The following FAM3B variants were observed in gnomAD, a reference collection of about 807,000 sequenced individuals.
The protein encoded by FAM3B is protein FAM3B.
Under a neutral mutation model 28.4 loss-of-function variants are expected in FAM3B, and 29 were observed. That is an observed-to-expected ratio of 1.02 (90% CI 0.76 to 1.39). The LOEUF (loss-of-function observed/expected upper bound fraction) is 1.39. Among genes scored for constraint, FAM3B ranks in the 40% most tolerant of loss-of-function variants. The pLI, the probability that FAM3B is intolerant of heterozygous loss-of-function variation, is 0.00. For missense variants in FAM3B, 266 were observed against 293.9 expected (o/e 0.91, Z 0.69); for synonymous variants, 91 against 103.0 (o/e 0.88, Z 0.71).
At chr21:41,315,279 G>A (rs2088740020), upstream of FAM3B, among the ~76,000 whole-genome samples, 1 of 152,084 alleles carries the variant, frequency 6.6e-6, no homozygotes, top group Admixed American at 6.6e-5. Flanking sequence ...AGGGGCTGGG[G>A]GCAAGGGTAA....
chr21:41,357,369 C>A lies in FAM3B; in HGVS notation c.*172C>A. 1 of 437,638 alleles carries A rather than the reference C, an allele frequency of 2.3e-6. No homozygotes were observed. The highest frequency in any genetic ancestry group is 4.2e-6 in the Non-Finnish European group (1 of 236,548). 27.1% of individuals were successfully genotyped at this position (437,638 alleles called of 1,614,324 possible). On this transcript the variant is annotated 3_prime_UTR_variant, in exon 8 of 8. Transcript: ENST00000357985. ...AATCTTGGTACGCAGTATTTTTATACCAGTATTTTATGTAGTGAAGATGTC... is the reference window on the plus strand; with the variant it reads ...AATCTTGGTACGCAGTATTTTTATAACAGTATTTTATGTAGTGAAGATGTC...
chr21:41,346,022 T>TTA lies in FAM3B; in HGVS notation c.397+286_397+287insTA, dbSNP rs577363844. 8.2e-3 allele frequency: 1,658 copies of TTA among 201,928 alleles called. 9 individuals carry two copies. The highest frequency in any genetic ancestry group is 0.024 in the Middle Eastern group (12 of 492). 12.5% of individuals were successfully genotyped at this position (201,928 alleles called of 1,614,324 possible). Reference sequence around the variant, plus strand: ...TAAGAAAGAGAAAAAGCCTTTTTTTTAAAAAAAAAAAAAAGCCAAATACAT... The same window carrying TTA: ...TAAGAAAGAGAAAAAGCCTTTTTTTTTAAAAAAAAAAAAAAAGCCAAATACAT... On this transcript the variant is annotated intron_variant, in intron 5 of 7. Transcript: ENST00000357985.
chr21:41,322,954 C>T lies in FAM3B; in HGVS notation c.51C>T (p.Ala17=), dbSNP rs765446885. Residue 17 remains alanine, a synonymous_variant, in exon 2 of 8, where the codon GCC becomes GCT. Transcript: ENST00000357985. ...TCAAGGTGGTGTTCGTGGTCTTCGC[C>T]TCCTTGTGTGCCTGGTATTCGGGGT... ...GLLKVVFVVF[A]SLCAWYSGYL... is the part of the protein sequence containing the mutation. 4 of 1,613,666 alleles carry T rather than the reference C, an allele frequency of 2.5e-6. No homozygotes were observed. Among genetic ancestry groups the T allele is most frequent in the Non-Finnish European group, 3.4e-6 (4 of 1,180,032 alleles).
At chr21:41,351,846 G>T (rs1013937897) in intron 7 of FAM3B, among the ~76,000 whole-genome samples, 1 of 152,224 alleles carries the variant, frequency 6.6e-6, no homozygotes, top group Non-Finnish European at 1.5e-5. Context: ...TTTATAGGAG[G>T]AAGGAAACTG....
At chr21:41,346,358 T>C (rs2089059925) in intron 5 of FAM3B, 1 of 153,284 alleles carries the variant, frequency 6.5e-6, no homozygotes, top group African/African-American at 2.4e-5. Context: ...AAGGACACAG[T>C]TGTACTCTGC....
chr21:41,322,846 CAG>C (rs780154792), intron 1 of FAM3B, 75 bp from the exon 2 acceptor site: 8 of 1,611,466 alleles, frequency 5.0e-6, no homozygotes, highest in Admixed American at 1.7e-5. Flanking sequence ...TGAAAAGCCA[CAG>C]GGGGGATGGG....
chr21:41,314,967 G>A (rs556514981), upstream of FAM3B, among the ~76,000 whole-genome samples: 1 of 152,180 alleles, frequency 6.6e-6, no homozygotes, highest in Non-Finnish European at 1.5e-5. Flanking sequence ...GCAGGATCCA[G>A]AAGAGATATT....
chr21:41,348,443 C>A, intron 6 of FAM3B, 149 bp from the exon 7 acceptor site: 1 of 788,834 alleles, frequency 1.3e-6, no homozygotes, highest in Non-Finnish European at 2.0e-6. Context: ...TGCCTCTTAG[C>A]TGCCACTGTG....
chr21:41,335,410 G>A (rs1024646326), intron 2 of FAM3B, among the ~76,000 whole-genome samples: 12 of 152,180 alleles, frequency 7.9e-5, no homozygotes, highest in African/African-American at 2.7e-4. Flanking sequence ...GATTCCTCAC[G>A]AGTGGTTTAG....
At chr21:41,356,042 C>CATACAT (rs36028769) in intron 7 of FAM3B, among the ~76,000 whole-genome samples, 1 of 76,472 alleles carries the variant, frequency 1.3e-5, no homozygotes, top group African/African-American at 6.1e-5. Context: ...AAAATACATA[C>CATACAT]ACACACACAC....
chr21:41,346,969 A>G (rs1403138207), intron 5 of FAM3B, 44 bp from the exon 6 acceptor site: 1 of 1,561,562 alleles, frequency 6.4e-7, no homozygotes, highest in Non-Finnish European at 8.8e-7. Flanking sequence ...GCAGAGCCTC[A>G]GTGAACAGCA....
chr21:41,341,094 G>A (rs1382831867), intron 3 of FAM3B, among the ~76,000 whole-genome samples: 1 of 151,980 alleles, frequency 6.6e-6, no homozygotes, highest in Admixed American at 6.6e-5. Flanking sequence ...TACATAAAAG[G>A]TGGTAAACTC....
chr21:41,317,296 G>A (rs2088758777), intron 1 of FAM3B, among the ~76,000 whole-genome samples: 1 of 149,044 alleles, frequency 6.7e-6, no homozygotes, highest in South Asian at 2.1e-4. Flanking sequence ...TTCCGGGGAA[G>A]GGTACGCGCC....
At chr21:41,340,506 A>G (rs193195637) in intron 3 of FAM3B, among the ~76,000 whole-genome samples, 6 of 152,264 alleles carry the variant, frequency 3.9e-5, no homozygotes, top group South Asian at 2.1e-4. Flanking sequence ...GCATTAATCC[A>G]TTCAGGAGGG....
At chr21:41,309,224 T>C (rs1360762225) in intron 1 of FAM3B, among the ~76,000 whole-genome samples, 1 of 152,228 alleles carries the variant, frequency 6.6e-6, no homozygotes, top group Non-Finnish European at 1.5e-5. Context: ...AGTACTGATT[T>C]ATATTCTACT....
Position 41,357,368 on chromosome 21 carries a change from A to G in FAM3B, c.*171A>G. 2 of 445,710 alleles carry G rather than the reference A, an allele frequency of 4.5e-6. No homozygotes were observed. The highest frequency in any genetic ancestry group is 8.3e-6 in the Non-Finnish European group (2 of 241,210). 27.6% of individuals were successfully genotyped at this position (445,710 alleles called of 1,614,324 possible). A position where few individuals can be genotyped will look rare whatever the true frequency, so the allele number is the denominator to read the frequency against. ...AAATCTTGGTACGCAGTATTTTTAT[A>G]CCAGTATTTTATGTAGTGAAGATGT... On this transcript the variant is annotated 3_prime_UTR_variant, in exon 8 of 8. Transcript: ENST00000357985.
At chr21:41,304,838 A>T (rs940907709) in intron 1 of FAM3B, among the ~76,000 whole-genome samples, 1 of 152,178 alleles carries the variant, frequency 6.6e-6, no homozygotes, top group Non-Finnish European at 1.5e-5. Context: ...GCTGAAAGGC[A>T]TCTGGAAAGA....
chr21:41,306,914 T>G (rs929597882), intron 1 of FAM3B, among the ~76,000 whole-genome samples: 2 of 152,202 alleles, frequency 1.3e-5, no homozygotes, highest in Non-Finnish European at 2.9e-5. Context: ...CTCCTTCCCA[T>G]TTGACATGCT....
At chr21:41,345,760 A>G (rs1216840449) in intron 5 of FAM3B, 24 bp downstream of exon 5, 3 of 1,361,008 alleles carry the variant, frequency 2.2e-6, no homozygotes, top group Non-Finnish European at 3.1e-6. Flanking sequence ...TTCTGTTAAA[A>G]TTCAAATGAA....
Sources: allele counts gnomAD v4.1 joint callset (sites outside exome capture counted in the v4.1 genomes callset), GRCh38; gene constraint gnomAD v4.1.1; transcripts MANE v1.5; gene names NCBI Gene and HGNC (gene_info 2026-07-23, HGNC 2026-07-21).